Variants in TIAM1 observed in about 807,000 individuals in gnomAD.
TIAM1 encodes TIAM Rac1 associated GEF 1.
TIAM1 carries 65 observed loss-of-function variants against 163.5 expected under a neutral mutation model. The ratio of observed to expected loss-of-function variants is 0.40; its 90% CI spans 0.33 to 0.49. TIAM1 has a LOEUF of 0.49. TIAM1 is among the 20% of genes least tolerant of loss of function. TIAM1 has a pLI of 0.77. For synonymous variants in TIAM1, 833 were observed against 810.1 expected, an observed-to-expected ratio of 1.03 and a Z score of -0.48; for missense variants, 1,789 against 2,044.7, an observed-to-expected ratio of 0.87 and a Z score of 2.41.
chr21:31,307,077 G>C (rs371205619), intron 2 of TIAM1, among the ~76,000 whole-genome samples: 1 of 152,048 alleles, frequency 6.6e-6, no homozygotes, highest in East Asian at 1.9e-4. Flanking sequence ...CAAACCCGAC[G>C]GCTGATTTAT....
Position 31,210,033 on chromosome 21 carries a change from G to A in TIAM1, c.2388+12C>T. On this transcript the variant is annotated intron_variant, in intron 11 of 27. Transcript: ENST00000541036. The stretch of plus-strand genomic sequence containing the variant: ...GCTCTTCTTGGAGAAACAACCCAAA[G>A]CAGCTCCATACCTTGCAAATCAGCT... 4 of 1,609,336 alleles carry A rather than the reference G, an allele frequency of 2.5e-6. No individual in the cohort carries two copies. The highest frequency in any genetic ancestry group is 3.4e-6 in the Non-Finnish European group (4 of 1,178,012).
chr21:31,477,016 A>C (rs1049077231), intron 1 of TIAM1, among the ~76,000 whole-genome samples: 1 of 152,234 alleles, frequency 6.6e-6, no homozygotes, highest in African/African-American at 2.4e-5. Flanking sequence ...TTCAAATAAA[A>C]AAGGGATGCC....
chr21:31,194,939 T>G (rs1035566434), intron 13 of TIAM1, among the ~76,000 whole-genome samples: 13 of 152,234 alleles, frequency 8.5e-5, no homozygotes, highest in African/African-American at 2.9e-4. Context: ...ATAACTAAAC[T>G]TGTTGTAATT....
chr21:31,391,753 T>C (rs1429415700), intron 2 of TIAM1, among the ~76,000 whole-genome samples: 1 of 152,012 alleles, frequency 6.6e-6, no homozygotes, highest in South Asian at 2.1e-4. Flanking sequence ...CCTCCATTTG[T>C]ATTCTTGCCC....
At chr21:31,540,172 G>A (rs1039846571) in intron 1 of TIAM1, among the ~76,000 whole-genome samples, 1 of 152,026 alleles carries the variant, frequency 6.6e-6, no homozygotes, top group African/African-American at 2.4e-5. Context: ...GATTACTGGA[G>A]GTCGGGAGTT....
At chr21:31,430,241 T>C (rs1332460878) in intron 2 of TIAM1, among the ~76,000 whole-genome samples, 2,786 of 133,398 alleles carry the variant, frequency 0.021, 147 homozygotes, top group African/African-American at 0.081. Flanking sequence ...TATATATATA[T>C]ATATATACAC....
At chr21:31,171,557 C>T (rs2084515244) in intron 15 of TIAM1, among the ~76,000 whole-genome samples, 1 of 151,898 alleles carries the variant, frequency 6.6e-6, no homozygotes, top group South Asian at 2.1e-4. Flanking sequence ...TTTTTTTATC[C>T]CCATATGTCA....
rs2086810931 is a variant in TIAM1, at chr21:31,210,747, GGA to G, written c.2218-534_2218-533del. 1.3e-4 allele frequency among the ~76,000 whole-genome samples: 5 copies of G among 39,312 alleles called. 1 individual carries two copies. Among genetic ancestry groups the G allele is most frequent in the African/African-American group, 7.7e-4 (5 of 6,458 alleles). 25.8% of individuals were successfully genotyped at this position (39,312 alleles called of 152,430 possible). Reference sequence around the variant, plus strand: ...AAAGAAAGAGAAAGAAGGAAGGAAGGGAGAAAGAAAGAAAGAAAGAAAGAAAG... The same window carrying G: ...AAAGAAAGAGAAAGAAGGAAGGAAGGGAAAGAAAGAAAGAAAGAAAGAAAG... On this transcript the variant is annotated intron_variant, in intron 10 of 27. Transcript: ENST00000541036.
intron 1 of TIAM1, among the ~76,000 whole-genome samples, chr21:31,516,223 C>G (rs914639969): frequency 6.6e-6 from 1 of 151,478 alleles, no homozygotes; most frequent in Admixed American, 6.6e-5. Context: ...ACCAGCCTGG[C>G]CAACATGGTG....
At chr21:31,481,734 C>G (rs2046115004) in intron 1 of TIAM1, among the ~76,000 whole-genome samples, 1 of 152,182 alleles carries the variant, frequency 6.6e-6, no homozygotes, top group African/African-American at 2.4e-5. Context: ...CCAGCTCCCA[C>G]ACCCTCTCTG....
chr21:31,147,837 G>C (rs865884334), intron 19 of TIAM1, among the ~76,000 whole-genome samples: 1 of 142,936 alleles, frequency 7.0e-6, no homozygotes, highest in Non-Finnish European at 1.5e-5. Flanking sequence ...GTTTCACACT[G>C]AAAGAGTCTT....
At chr21:31,464,231 T>A (rs1200971440) in intron 1 of TIAM1, among the ~76,000 whole-genome samples, 2 of 152,014 alleles carry the variant, frequency 1.3e-5, no homozygotes, top group East Asian at 3.9e-4. Context: ...AGCAGAACCA[T>A]CCAGGACCTT....
intron 2 of TIAM1, among the ~76,000 whole-genome samples, chr21:31,376,401 C>T (rs1018731430): frequency 6.6e-6 from 1 of 152,148 alleles, no homozygotes; most frequent in South Asian, 2.1e-4. Context: ...CCCAGGTTTC[C>T]GTCTGCACCC....
chr21:31,322,448 T>TGGGGGGGGGGG (rs386394590), intron 2 of TIAM1, among the ~76,000 whole-genome samples: 2 of 136,512 alleles, frequency 1.5e-5, no homozygotes, highest in Non-Finnish European at 3.2e-5. Flanking sequence ...CCTCTATGGG[T>TGGGGGGGGGGG]GGGGGGGGGT....
At chr21:31,145,472 T>C in intron 20 of TIAM1, among the ~76,000 whole-genome samples, 1 of 152,176 alleles carries the variant, frequency 6.6e-6, no homozygotes, top group East Asian at 1.9e-4. Context: ...AATCAAACTT[T>C]CTGTTGGTGC....
Position 31,536,749 on chromosome 21 carries a change from C to T in TIAM1, c.-422+22178G>A, listed in dbSNP as rs527835496. ...TGGCCTCAGACCTCATCTCAAGCCA[C>T]GGGGAAGATGATGAATTCTAAACCC... is the stretch of plus-strand genomic sequence containing the variant. On this transcript the variant is annotated intron_variant, in intron 1 of 28. Coordinates refer to the TIAM1 transcript ENST00000286827. Among the ~76,000 whole-genome samples the T allele has an allele frequency of 7.9e-5, 12 of 152,206 alleles. No homozygotes were observed. In the East Asian group the frequency reaches 1.7e-3, roughly 22 times the overall value.
intron 1 of TIAM1, among the ~76,000 whole-genome samples, chr21:31,555,611 C>G (rs1017235358): frequency 6.6e-6 from 1 of 152,126 alleles, no homozygotes; most frequent in African/African-American, 2.4e-5. Flanking sequence ...TCCCACTCCT[C>G]TGCCCTCCTC....
intron 2 of TIAM1, among the ~76,000 whole-genome samples, chr21:31,405,737 T>G (rs941335137): frequency 1.3e-5 from 2 of 152,132 alleles, no homozygotes; most frequent in Non-Finnish European, 2.9e-5. Flanking sequence ...CCCGCCCCCA[T>G]GATTTAATCA....
intron 6 of TIAM1, among the ~76,000 whole-genome samples, chr21:31,243,192 CAA>C (rs60242603): frequency 0.015 from 1,524 of 100,916 alleles, 13 homozygotes; most frequent in East Asian, 0.049. Flanking sequence ...AACTTCATCT[CAA>C]AAAAAAAAAA....
Sources: gnomAD v4.1 joint callset for allele counts (sites outside exome capture counted in the v4.1 genomes callset) on GRCh38, gnomAD v4.1.1 for gene constraint, MANE v1.5 for transcripts, NCBI Gene and HGNC (gene_info 2026-07-23, HGNC 2026-07-21) for gene names.